NIPBL: variants seen among roughly 807,000 people sequenced by gnomAD.
The protein encoded by NIPBL is NIPBL cohesin loading factor.
Under a neutral mutation model 321.8 loss-of-function variants are expected in NIPBL, and 19 were observed. That is an observed-to-expected ratio of 0.06 (90% CI 0.04 to 0.09). The LOEUF (loss-of-function observed/expected upper bound fraction) is 0.09. Ranked by LOEUF, NIPBL falls within the 10% of genes least tolerant of loss-of-function variation. The pLI, the probability that NIPBL is intolerant of heterozygous loss-of-function variation, is 1.00. For synonymous variants in NIPBL, 1,106 were observed against 1,114.1 expected (o/e 0.99, Z 0.14); for missense variants, 2,210 against 3,327.0 (o/e 0.66, Z 8.26).
chr5:37,039,582 A>G (rs1398919306), intron 34 of NIPBL, among the ~76,000 whole-genome samples: 1 of 152,094 alleles, frequency 6.6e-6, no homozygotes, highest in Non-Finnish European at 1.5e-5. Context: ...AAGCTTAAAG[A>G]GTATAAGTAA....
At chr5:36,917,110 C>T (rs1748521715) in intron 1 of NIPBL, among the ~76,000 whole-genome samples, 1 of 152,174 alleles carries the variant, frequency 6.6e-6, no homozygotes, top group East Asian at 1.9e-4. Flanking sequence ...AGTTTACAGT[C>T]CCACCAACAG....
At chr5:37,021,677 T>C (rs1437476717) in intron 27 of NIPBL, among the ~76,000 whole-genome samples, 1 of 152,196 alleles carries the variant, frequency 6.6e-6, no homozygotes, top group Non-Finnish European at 1.5e-5. Flanking sequence ...CGAGACTCCA[T>C]CCCAAAAAAT....
At chr5:36,946,010 C>T (rs1739630239) in intron 1 of NIPBL, among the ~76,000 whole-genome samples, 1 of 151,932 alleles carries the variant, frequency 6.6e-6, no homozygotes, top group African/African-American at 2.4e-5. Context: ...CACCTATTTC[C>T]TAAAAGGATT....
intron 1 of NIPBL, chr5:36,886,176 G>C: frequency 1.5e-6 from 1 of 645,704 alleles, no homozygotes; most frequent in Non-Finnish European, 2.8e-6. Flanking sequence ...AGAACAGCCT[G>C]AGGGAGGTGG....
intron 1 of NIPBL, among the ~76,000 whole-genome samples, chr5:36,887,625 C>T (rs1390572478): frequency 6.6e-6 from 1 of 152,180 alleles, no homozygotes; most frequent in Non-Finnish European, 1.5e-5. Flanking sequence ...TGCTCCTCTA[C>T]CTACCCCTTT....
rs72734701 is a variant in NIPBL, at chr5:36,972,785, T to C, written c.868+744T>C. 7.0e-3 allele frequency among the ~76,000 whole-genome samples: 1,044 copies of C among 149,280 alleles called. 9 individuals are homozygous for C. Among genetic ancestry groups the C allele is most frequent in the Non-Finnish European group, 0.011 (749 of 67,718 alleles). On this transcript the variant is annotated intron_variant, in intron 8 of 46. Coordinates refer to ENST00000282516, the MANE Select transcript of NIPBL (RefSeq NM_133433.4). ...TTATCATAAAGCCTCTTTTCAACTA[T>C]TTAGTCATTTATCAAATCTAACCTG...
chr5:36,955,504 C>A lies in NIPBL; in HGVS notation c.97C>A (p.Pro33Thr). The change falls in exon 3 of 47, where the codon CCT (proline) becomes ACT (threonine). Residue 33 changes from proline to threonine, a missense_variant. Pro to Thr is a conservative substitution (Grantham distance 38). Around this residue, in one of 14 missense-constraint regions of NIPBL, gnomAD observed 28 missense variants for 65.5 expected, o/e 0.43. Transcript: ENST00000282516. ...LNQLPLPSPLPATTTKSLLFN... is the reference protein window; with the variant it reads ...LNQLPLPSPLTATTTKSLLFN... The stretch of plus-strand genomic sequence containing the variant: ...CCAGCTGCCTCTTCCATCTCCTTTA[C>A]CTGCTACAACTACAAAGAGCCTTCT... 6.2e-7 allele frequency: 1 copy of A among 1,613,932 alleles called. No homozygotes were observed. The highest frequency in any genetic ancestry group is 1.1e-5 in the South Asian group (1 of 91,064).
At chr5:36,908,427 AAAT>A (rs150240907) in intron 1 of NIPBL, among the ~76,000 whole-genome samples, 24 of 152,106 alleles carry the variant, frequency 1.6e-4, no homozygotes, top group East Asian at 5.8e-4. Flanking sequence ...GAATTTTCCT[AAAT>A]TAGAAACAAG....
intron 1 of NIPBL, among the ~76,000 whole-genome samples, chr5:36,951,469 T>A (rs960263115): frequency 5.9e-5 from 9 of 152,230 alleles, no homozygotes; most frequent in African/African-American, 2.2e-4. Flanking sequence ...ATTTTTGTGA[T>A]CTGTAATTTT....
chr5:36,911,999 T>C (rs1748085620), intron 1 of NIPBL, among the ~76,000 whole-genome samples: 1 of 152,148 alleles, frequency 6.6e-6, no homozygotes, highest in African/African-American at 2.4e-5. Context: ...AGTCATTTGA[T>C]CAAATTCGTG....
At chr5:37,042,825 CAAA>C (rs1216799676) in intron 34 of NIPBL, among the ~76,000 whole-genome samples, 1 of 85,988 alleles carries the variant, frequency 1.2e-5, no homozygotes. Context: ...GACTCCGTCT[CAAA>C]AAAAAAAAAG....
intron 6 of NIPBL, among the ~76,000 whole-genome samples, chr5:36,967,117 A>C (rs1742296291): frequency 6.6e-6 from 1 of 152,108 alleles, no homozygotes; most frequent in Non-Finnish European, 1.5e-5. Context: ...AACAAGACAA[A>C]AATGAACTAA....
At chr5:37,051,354 A>C (rs1380014855) in intron 40 of NIPBL, 2 of 187,484 alleles carry the variant, frequency 1.1e-5, no homozygotes, top group African/African-American at 4.8e-5. Flanking sequence ...ATCAACTTTG[A>C]AAAACAATTA....
intron 1 of NIPBL, among the ~76,000 whole-genome samples, chr5:36,931,307 C>G (rs1749756773): frequency 6.6e-6 from 1 of 151,500 alleles, no homozygotes; most frequent in African/African-American, 2.4e-5. Flanking sequence ...TTAATATTCC[C>G]TTTTAATTCT....
intron 1 of NIPBL, among the ~76,000 whole-genome samples, chr5:36,942,522 T>A (rs957314700): frequency 1.3e-5 from 2 of 148,936 alleles, no homozygotes; most frequent in Non-Finnish European, 3.0e-5. Flanking sequence ...GGCAGATCAC[T>A]TGAGGTCAGG....
chr5:36,890,892 A>G (rs1458081970), intron 1 of NIPBL, among the ~76,000 whole-genome samples: 1 of 152,226 alleles, frequency 6.6e-6, no homozygotes, highest in East Asian at 1.9e-4. Context: ...ATGATCTCAT[A>G]TTCATTCTCT....
At chr5:36,913,272 C>T (rs1748190636) in intron 1 of NIPBL, among the ~76,000 whole-genome samples, 1 of 151,946 alleles carries the variant, frequency 6.6e-6, no homozygotes, top group African/African-American at 2.4e-5. Context: ...TGCAGTGGTT[C>T]AGCACACACA....
chr5:36,941,552 GTTTCAGGT>G (rs1273892838), intron 1 of NIPBL, among the ~76,000 whole-genome samples: 1 of 149,884 alleles, frequency 6.7e-6, no homozygotes, highest in Non-Finnish European at 1.5e-5. Flanking sequence ...TGTTTGGAGA[GTTTCAGGT>G]TTAATTAAAG....
At chr5:36,969,546 C>G (rs945792001) in intron 6 of NIPBL, among the ~76,000 whole-genome samples, 4 of 152,178 alleles carry the variant, frequency 2.6e-5, no homozygotes, top group Middle Eastern at 3.4e-3. Flanking sequence ...TGCAGTTGTT[C>G]ATATGGAAAC....
Sources: gnomAD v4.1 joint callset for allele counts (sites outside exome capture counted in the v4.1 genomes callset) on GRCh38, gnomAD v4.1.1 for gene constraint, gnomAD v4.1.1 regional missense constraint, MANE v1.5 for transcripts, NCBI Gene and HGNC (gene_info 2026-07-23, HGNC 2026-07-21) for gene names.